Variants in BMPR1B observed in about 807,000 individuals in gnomAD.
BMPR1B encodes bone morphogenetic protein receptor type 1B.
BMPR1B carries 12 observed loss-of-function variants against 59.1 expected under a neutral mutation model. The observed-to-expected ratio is 0.20, with a 90% confidence interval of 0.13 to 0.33. The LOEUF (loss-of-function observed/expected upper bound fraction) is 0.33, where lower values mean the gene tolerates loss of function less well. BMPR1B is among the 10% of genes least tolerant of loss of function. The probability of loss-of-function intolerance (pLI) is 1.00; values close to 1 mark genes in which losing one functional copy is unlikely to be tolerated. For synonymous variants in BMPR1B, 237 were observed against 207.3 expected, an observed-to-expected ratio of 1.14 and a Z score of -1.23; for missense variants, 550 against 610.9, an observed-to-expected ratio of 0.90 and a Z score of 1.05.
intron 2 of BMPR1B, among the ~76,000 whole-genome samples, chr4:94,970,286 CT>C (rs1560573096): frequency 0.031 from 3,599 of 115,728 alleles, 157 homozygotes; most frequent in African/African-American, 0.093. Context: ...CTTCTCTTCT[CT>C]TCTCTTCTCT....
intron 1 of BMPR1B, among the ~76,000 whole-genome samples, chr4:94,828,061 C>T (rs544958135): frequency 4.1e-4 from 63 of 152,258 alleles, no homozygotes; most frequent in African/African-American, 1.4e-3. Context: ...CTTGAATATA[C>T]GTAAAGTGTT....
At chr4:95,134,064 A>G (rs553468785) in intron 10 of BMPR1B, among the ~76,000 whole-genome samples, 16 of 151,676 alleles carry the variant, frequency 1.1e-4, no homozygotes, top group Non-Finnish European at 2.1e-4. Context: ...GATGTTCCCC[A>G]CCCTGTGTCC....
At chr4:94,865,245 G>A (rs1453306689) in intron 1 of BMPR1B, among the ~76,000 whole-genome samples, 2 of 151,916 alleles carry the variant, frequency 1.3e-5, no homozygotes, top group African/African-American at 2.4e-5. Context: ...CCAACCTTGC[G>A]GTCTGCCCAC....
chr4:94,932,957 A>G (rs866294237), intron 2 of BMPR1B, among the ~76,000 whole-genome samples: 6 of 152,240 alleles, frequency 3.9e-5, no homozygotes, highest in Middle Eastern at 3.4e-3. Context: ...AGTAGCTACA[A>G]TAGCTTCATT....
intron 2 of BMPR1B, among the ~76,000 whole-genome samples, chr4:94,922,141 T>A (rs555125339): frequency 6.6e-6 from 1 of 152,064 alleles, no homozygotes; most frequent in East Asian, 1.9e-4. Flanking sequence ...CCCTCTTAAT[T>A]TCTTTTTTCT....
At chr4:95,038,739 C>T (rs1725441017) in intron 3 of BMPR1B, among the ~76,000 whole-genome samples, 1 of 152,086 alleles carries the variant, frequency 6.6e-6, no homozygotes, top group Non-Finnish European at 1.5e-5. Flanking sequence ...TTTTTCTTCA[C>T]ACATCCTTTG....
intron 2 of BMPR1B, among the ~76,000 whole-genome samples, chr4:94,990,647 A>T (rs1721674595): frequency 6.6e-6 from 1 of 151,706 alleles, no homozygotes; most frequent in Non-Finnish European, 1.5e-5. Flanking sequence ...TTGACTTCAG[A>T]GTACTCAACC....
At chr4:94,994,506 C>G (rs2149101268) in intron 2 of BMPR1B, among the ~76,000 whole-genome samples, 1 of 152,270 alleles carries the variant, frequency 6.6e-6, no homozygotes, top group East Asian at 1.9e-4. Context: ...TTACATTTAA[C>G]TTCTATTTTG....
At chr4:95,088,394 C>CT (rs149174540) in intron 3 of BMPR1B, among the ~76,000 whole-genome samples, 6,576 of 151,982 alleles carry the variant, frequency 0.043, 482 homozygotes, top group African/African-American at 0.15. Context: ...TAGGACAAGG[C>CT]TTTTTTCCTC....
At chr4:94,975,513 C>T (rs941596085) in intron 2 of BMPR1B, among the ~76,000 whole-genome samples, 22 of 151,340 alleles carry the variant, frequency 1.5e-4, no homozygotes, top group African/African-American at 3.7e-4. Context: ...CAGGCATGCG[C>T]CACCATGCCT....
intron 3 of BMPR1B, among the ~76,000 whole-genome samples, chr4:95,094,107 G>A (rs1237952927): frequency 7.2e-5 from 11 of 151,972 alleles, no homozygotes; most frequent in East Asian, 3.9e-4. Flanking sequence ...AGTGTTCCAC[G>A]TGTAGCTGAT....
intron 2 of BMPR1B, among the ~76,000 whole-genome samples, chr4:94,954,939 C>T (rs1730085538): frequency 1.3e-5 from 2 of 152,156 alleles, no homozygotes; most frequent in South Asian, 4.1e-4. Context: ...AAGACTTACC[C>T]TTCACATTCA....
chr4:95,110,991 A>G (rs952187649), intron 4 of BMPR1B, among the ~76,000 whole-genome samples: 1 of 152,184 alleles, frequency 6.6e-6, no homozygotes, highest in Non-Finnish European at 1.5e-5. Context: ...TGAGAAATAG[A>G]TATTTTAGAA....
intron 3 of BMPR1B, among the ~76,000 whole-genome samples, chr4:95,079,879 C>A (rs1189908818): frequency 6.6e-6 from 1 of 152,000 alleles, no homozygotes; most frequent in Admixed American, 6.6e-5. Context: ...GAAACTTTTT[C>A]TTTTTTAAAT....
intron 3 of BMPR1B, among the ~76,000 whole-genome samples, chr4:95,032,685 A>G (rs746336563): frequency 6.6e-6 from 1 of 152,136 alleles, no homozygotes; most frequent in African/African-American, 2.4e-5. Context: ...TCCATGTTGT[A>G]GTATGTGTCA....
intron 3 of BMPR1B, among the ~76,000 whole-genome samples, chr4:95,023,775 C>G (rs1344423669): frequency 6.6e-6 from 1 of 152,174 alleles, no homozygotes; most frequent in Non-Finnish European, 1.5e-5. Flanking sequence ...AATAAAACAA[C>G]AGACCTCTCA....
At chr4:94,856,760 C>G (rs1282437151) in intron 1 of BMPR1B, among the ~76,000 whole-genome samples, 1 of 152,174 alleles carries the variant, frequency 6.6e-6, no homozygotes, top group Non-Finnish European at 1.5e-5. Flanking sequence ...AGAAAGGTGG[C>G]AAACAACTTG....
In BMPR1B at chr4:94,840,495, C is replaced by T. The variant is rs1271657148; in HGVS notation, c.-182-35336C>T. On this transcript the variant is annotated intron_variant, in intron 1 of 12. Coordinates refer to ENST00000515059, the MANE Select transcript of BMPR1B (RefSeq NM_001203.3). ...CTTTTTTTCTCTAAACTTCCCTTCT[C>T]GCTTCATTTCATTCATTTCACCTTC... Among the ~76,000 whole-genome samples, 7 of 146,986 alleles carry T rather than the reference C, an allele frequency of 4.8e-5. 1 individual carries two copies. The highest frequency in any genetic ancestry group is 4.4e-4 in the South Asian group (2 of 4,540).
intron 1 of BMPR1B, among the ~76,000 whole-genome samples, chr4:94,851,656 T>C (rs1169193013): frequency 6.9e-6 from 1 of 144,576 alleles, no homozygotes; most frequent in Non-Finnish European, 1.5e-5. Flanking sequence ...ATTAATCATA[T>C]TTTATCTTAT....
Sources: gnomAD v4.1 joint callset for allele counts (sites outside exome capture counted in the v4.1 genomes callset) on GRCh38, gnomAD v4.1.1 for gene constraint, MANE v1.5 for transcripts, NCBI Gene and HGNC (gene_info 2026-07-23, HGNC 2026-07-21) for gene names.